SLC28A1: variants seen among roughly 807,000 people sequenced by gnomAD.
SLC28A1 encodes sodium/nucleoside cotransporter 1.
SLC28A1 carries 64 observed loss-of-function variants against 74.8 expected under a neutral mutation model. That is an observed-to-expected ratio of 0.86 (90% confidence interval 0.70 to 1.05). The LOEUF is 1.05. SLC28A1 is among the 50% of genes least tolerant of loss of function. The pLI, the probability that SLC28A1 is intolerant of heterozygous loss-of-function variation, is 0.00. For synonymous variants in SLC28A1, 359 were observed against 335.0 expected (o/e 1.07, Z -0.78); for missense variants, 828 against 822.8 (o/e 1.01, Z -0.08).
intron 6 of SLC28A1, among the ~76,000 whole-genome samples, chr15:84,902,698 G>T (rs974993977): frequency 6.0e-5 from 9 of 150,216 alleles, no homozygotes; most frequent in African/African-American, 2.0e-4. Flanking sequence ...TAATAAAGCT[G>T]TTAAAAATAA....
intron 11 of SLC28A1, among the ~76,000 whole-genome samples, chr15:84,923,136 C>A (rs937398456): frequency 6.6e-6 from 1 of 152,160 alleles, no homozygotes; most frequent in African/African-American, 2.4e-5. Flanking sequence ...CAGGGTTTCA[C>A]CATGTTGGCC....
chr15:84,928,570 CTT>C (rs1970817075), intron 12 of SLC28A1, among the ~76,000 whole-genome samples: 3 of 17,716 alleles, frequency 1.7e-4, no homozygotes, highest in East Asian at 2.9e-3. Context: ...TTCTTTCTTT[CTT>C]TCTTTCTTTC....
intron 8 of SLC28A1, among the ~76,000 whole-genome samples, chr15:84,906,571 TTTCTTCCTTCCTTC>T (rs1967242303): frequency 2.4e-5 from 1 of 41,456 alleles, no homozygotes; most frequent in Admixed American, 2.8e-4. Flanking sequence ...TTTCTCTTTC[TTTCTTCCTTCCTTC>T]CTTCCTTCCT....
At chr15:84,895,222 C>G in intron 6 of SLC28A1, 99 bp downstream of exon 6, 7 of 1,579,848 alleles carry the variant, frequency 4.4e-6, no homozygotes, top group Non-Finnish European at 6.1e-6. Context: ...GAGGAAGGCT[C>G]TGTGTCATGG....
chr15:84,892,904 G>A (rs754912519), intron 5 of SLC28A1, among the ~76,000 whole-genome samples: 1 of 152,158 alleles, frequency 6.6e-6, no homozygotes, highest in Admixed American at 6.5e-5. Context: ...GCCCAGGGAG[G>A]TCTTCAAGGA....
intron 4 of SLC28A1, among the ~76,000 whole-genome samples, chr15:84,889,622 T>C (rs979161679): frequency 2.6e-5 from 4 of 152,068 alleles, no homozygotes; most frequent in Admixed American, 6.5e-5. Context: ...GAGGCAGCCA[T>C]CCATGTTTTT....
At chr15:84,889,394 G>T (rs1276463787) in intron 4 of SLC28A1, among the ~76,000 whole-genome samples, 1 of 152,182 alleles carries the variant, frequency 6.6e-6, no homozygotes, top group Admixed American at 6.5e-5. Context: ...ACCGTGATGG[G>T]CAGGGGGTGG....
the SLC28A1 span, among the ~76,000 whole-genome samples, chr15:84,953,964 A>T: frequency 1.3e-5 from 2 of 152,176 alleles, no homozygotes; most frequent in Non-Finnish European, 2.9e-5. Context: ...GGCTCTGCCT[A>T]CCGCTGAGTT....
intron 5 of SLC28A1, among the ~76,000 whole-genome samples, chr15:84,892,876 C>G (rs1965514838): frequency 6.6e-6 from 1 of 152,164 alleles, no homozygotes; most frequent in Non-Finnish European, 1.5e-5. Context: ...GTGCCTCTTG[C>G]CCGCTCTCCC....
At chr15:84,910,328 A>G (rs1365105682) in intron 9 of SLC28A1, among the ~76,000 whole-genome samples, 1 of 152,206 alleles carries the variant, frequency 6.6e-6, no homozygotes, top group Non-Finnish European at 1.5e-5. Context: ...TTGCATAACC[A>G]ATGCGGGGGT....
downstream of SLC28A1, among the ~76,000 whole-genome samples, chr15:84,946,104 ATATATATATTT>A (rs2079210334): frequency 3.1e-4 from 4 of 12,736 alleles, no homozygotes; most frequent in African/African-American, 1.0e-3. Context: ...ATATATATAT[ATATATATATTT>A]TTTTTTTTTT....
chr15:84,938,779 C>T (rs1387258181), intron 15 of SLC28A1, among the ~76,000 whole-genome samples: 2 of 151,932 alleles, frequency 1.3e-5, no homozygotes, highest in Admixed American at 6.6e-5. Flanking sequence ...GCAGGGTCTT[C>T]CTTGGCTGGA....
In SLC28A1 at chr15:84,921,094, C is replaced by G. The variant is rs17215954; in HGVS notation, c.957+25C>G. 1.1e-3 allele frequency: 1,692 copies of G among 1,565,010 alleles called. 19 individuals are homozygous for G. The African/African-American group carries it at 0.019, about 18-fold the overall frequency. On this transcript the variant is annotated intron_variant, in intron 11 of 18. Transcript: ENST00000394573. ...GGTGGGTATGGAAGCCTCCTACCCT[C>G]ATGCTCATCAGCAGCTTCCCCAAAG...
At chr15:84,934,419 C>T (rs1281358658) in intron 13 of SLC28A1, among the ~76,000 whole-genome samples, 1 of 152,182 alleles carries the variant, frequency 6.6e-6, no homozygotes, top group African/African-American at 2.4e-5. Context: ...ATTTCACTCA[C>T]CTCCTAACAT....
chr15:84,935,498 G>A lies in SLC28A1; in HGVS notation c.1561G>A (p.Asp521Asn), dbSNP rs2242046. The change falls in exon 15 of 19, where the codon GAC becomes AAC. Residue 521 changes from aspartate (D) to asparagine (N), a missense_variant. Physicochemically the swap from Asp to Asn is conservative, Grantham distance 23. This residue lies in a region of SLC28A1 where 767 missense variants were observed against 753.5 expected (regional missense o/e 1.02). Transcript: ENST00000394573. ...GGCAGGGGCCGAGGAGTGGGTCGGC[G>A]ACAGGAAGCAGTGGATCTCCGTGAG... The part of the protein sequence containing the change: ...RLAGAEEWVG[D>N]RKQWISVRAE... 0.44 allele frequency: 710,088 copies of A among 1,613,130 alleles called. 169,648 individuals carry two copies. The highest frequency in any genetic ancestry group is 0.57 in the Middle Eastern group (3,475 of 6,062).
chr15:84,972,101 C>T, the SLC28A1 span, among the ~76,000 whole-genome samples: 1 of 152,248 alleles, frequency 6.6e-6, no homozygotes, highest in East Asian at 1.9e-4. Context: ...CCCCACCCTA[C>T]ACAATAATCC....
chr15:84,930,960 TG>T (rs1475497112), intron 12 of SLC28A1, among the ~76,000 whole-genome samples: 1 of 152,138 alleles, frequency 6.6e-6, no homozygotes, highest in African/African-American at 2.4e-5. Flanking sequence ...TTATTAGAGA[TG>T]GGGGTTTCAC....
intron 6 of SLC28A1, among the ~76,000 whole-genome samples, chr15:84,898,238 G>A (rs897709152): frequency 1.3e-5 from 2 of 151,974 alleles, no homozygotes; most frequent in Non-Finnish European, 2.9e-5. Context: ...CTGTAAATGG[G>A]CAAATTGTAT....
At chr15:84,908,018 T>C (rs891164748) in intron 8 of SLC28A1, among the ~76,000 whole-genome samples, 2 of 152,102 alleles carry the variant, frequency 1.3e-5, no homozygotes, top group African/African-American at 4.8e-5. Flanking sequence ...GGGCTCAGAC[T>C]CCAAGGCCAC....
Sources: allele counts gnomAD v4.1 joint callset (sites outside exome capture counted in the v4.1 genomes callset), GRCh38; gene constraint gnomAD v4.1.1; regional missense constraint gnomAD v4.1.1; transcripts MANE v1.5; gene names NCBI Gene and HGNC (gene_info 2026-07-23, HGNC 2026-07-21).